FAF1: variants seen among roughly 807,000 people sequenced by gnomAD.
FAF1 encodes FAS-associated factor 1.
A neutral mutation model predicts 92.5 loss-of-function variants in FAF1; 25 were observed. The ratio of observed to expected loss-of-function variants is 0.27; its 90% CI spans 0.20 to 0.38. FAF1 has a LOEUF of 0.38. Among genes scored for constraint, FAF1 ranks in the 10% least tolerant of loss-of-function variants. The pLI is 1.00. For synonymous variants in FAF1, 234 were observed against 273.2 expected, an observed-to-expected ratio of 0.86 and a Z score of 1.42; for missense variants, 636 against 793.3, an observed-to-expected ratio of 0.80 and a Z score of 2.38.
intron 8 of FAF1, among the ~76,000 whole-genome samples, chr1:50,644,150 GT>G (rs1220072435): frequency 6.6e-6 from 1 of 152,172 alleles, no homozygotes; most frequent in Non-Finnish European, 1.5e-5. Context: ...TTTAGAGGCA[GT>G]TACCTATTAA....
chr1:50,550,089 C>A (rs921258177), intron 13 of FAF1, among the ~76,000 whole-genome samples: 2 of 151,992 alleles, frequency 1.3e-5, no homozygotes, highest in Non-Finnish European at 2.9e-5. Flanking sequence ...CCGTAGCTCA[C>A]GCCTGTAATC....
At chr1:50,787,744 T>C (rs1016737417) in intron 4 of FAF1, among the ~76,000 whole-genome samples, 5 of 152,218 alleles carry the variant, frequency 3.3e-5, no homozygotes, top group African/African-American at 1.2e-4. Flanking sequence ...TCTTAGATGT[T>C]TGATTTGCAT....
At chr1:50,866,306 T>C (rs1178154842) in intron 1 of FAF1, among the ~76,000 whole-genome samples, 1 of 152,058 alleles carries the variant, frequency 6.6e-6, no homozygotes, top group Non-Finnish European at 1.5e-5. Context: ...CTTTCACCAC[T>C]TCTATTCAAC....
At chr1:50,845,595 T>C (rs1416737160) in intron 2 of FAF1, among the ~76,000 whole-genome samples, 9 of 152,084 alleles carry the variant, frequency 5.9e-5, no homozygotes, top group Non-Finnish European at 1.5e-5. Flanking sequence ...CTCCCCCACC[T>C]GCACAGAAGA....
At chr1:50,622,284 A>G (rs2124180210) in intron 8 of FAF1, among the ~76,000 whole-genome samples, 1 of 152,232 alleles carries the variant, frequency 6.6e-6, no homozygotes, top group East Asian at 1.9e-4. Flanking sequence ...GCTATCCCTC[A>G]TTTCCTTAAT....
At chr1:50,644,631 G>A (rs1450057190) in intron 8 of FAF1, among the ~76,000 whole-genome samples, 2 of 152,188 alleles carry the variant, frequency 1.3e-5, no homozygotes, top group African/African-American at 4.8e-5. Context: ...TTCCTGCTAT[G>A]GGATCCAGAA....
In FAF1 at chr1:50,959,870, A is replaced by G; in HGVS notation, c.-59T>C. The G allele has an allele frequency of 8.2e-7, 1 of 1,225,956 alleles. No individual in the cohort carries two copies. The highest frequency in any genetic ancestry group is 1.1e-6 in the Non-Finnish European group (1 of 940,514). 75.9% of individuals were successfully genotyped at this position (1,225,956 alleles called of 1,614,324 possible). ...AGCGCGCACCTGGGAGGCAGACGGC[A>G]CCTCCTGCGACCGTCGCCGCCACCG... is the stretch of plus-strand genomic sequence containing the variant. On this transcript the variant is annotated 5_prime_UTR_variant, in exon 1 of 19. Coordinates refer to ENST00000396153, the MANE Select transcript of FAF1 (RefSeq NM_007051.3).
At chr1:50,564,995 T>A (rs114653677) in intron 13 of FAF1, among the ~76,000 whole-genome samples, 2,067 of 152,170 alleles carry the variant, frequency 0.014, 44 homozygotes, top group African/African-American at 0.045. Context: ...TTTGACATTT[T>A]AAAAAAACTT....
intron 8 of FAF1, among the ~76,000 whole-genome samples, chr1:50,621,396 T>C (rs1294302938): frequency 6.5e-5 from 8 of 123,976 alleles, no homozygotes; most frequent in South Asian, 2.8e-4. Flanking sequence ...TTTTTCTTTT[T>C]TTTTTTTTTT....
rs1321149869 is a variant in FAF1 at position 50,584,825 on chromosome 1, G to T, written c.841-14C>A. Reference sequence around the variant, plus strand: ...ATCGGTGATTTGCTATTTAAGGAAAGTCCTGATTAGTTTCATATTGATTTT... The same window carrying T: ...ATCGGTGATTTGCTATTTAAGGAAATTCCTGATTAGTTTCATATTGATTTT... On this transcript the variant is annotated splice_polypyrimidine_tract_variant and intron_variant, in intron 9 of 18. Coordinates refer to ENST00000396153, the MANE Select transcript of FAF1 (RefSeq NM_007051.3). The T allele has an allele frequency of 6.2e-7, 1 of 1,610,624 alleles. No individual in the cohort carries two copies. The highest frequency in any genetic ancestry group is 1.7e-5 in the Admixed American group (1 of 59,710).
intron 8 of FAF1, among the ~76,000 whole-genome samples, chr1:50,635,534 T>C (rs1279812142): frequency 2.0e-5 from 3 of 152,084 alleles, no homozygotes; most frequent in Admixed American, 2.0e-4. Flanking sequence ...CCAGCAATCC[T>C]CCCACCTCAG....
intron 2 of FAF1, among the ~76,000 whole-genome samples, chr1:50,802,009 T>C (rs141930554): frequency 3.0e-4 from 46 of 152,224 alleles, no homozygotes; most frequent in Admixed American, 5.2e-4. Flanking sequence ...AACTTCATCT[T>C]ATAAACATTA....
chr1:50,895,065 A>G (rs1644747929), intron 1 of FAF1, among the ~76,000 whole-genome samples: 1 of 152,172 alleles, frequency 6.6e-6, no homozygotes, highest in Non-Finnish European at 1.5e-5. Context: ...AAACAAATAA[A>G]GCAATATAAA....
chr1:50,954,010 G>A (rs1158557813), intron 1 of FAF1, among the ~76,000 whole-genome samples: 3 of 151,432 alleles, frequency 2.0e-5, no homozygotes, highest in Non-Finnish European at 4.4e-5. Context: ...GTGCAGTGGC[G>A]CGATCTCGGC....
intron 2 of FAF1, among the ~76,000 whole-genome samples, chr1:50,832,982 GA>G (rs1644167919): frequency 6.6e-6 from 1 of 152,160 alleles, no homozygotes; most frequent in South Asian, 2.1e-4. Context: ...AGGATCTGCA[GA>G]GAAGACAATC....
At chr1:50,857,249 T>TA (rs1190463088) in intron 2 of FAF1, among the ~76,000 whole-genome samples, 1 of 151,846 alleles carries the variant, frequency 6.6e-6, no homozygotes, top group Non-Finnish European at 1.5e-5. Context: ...CTCACTTCTA[T>TA]AAGTACACAT....
At chr1:50,806,401 G>A (rs936082444) in intron 2 of FAF1, among the ~76,000 whole-genome samples, 6 of 152,118 alleles carry the variant, frequency 3.9e-5, no homozygotes, top group Admixed American at 1.3e-4. Context: ...CTCATACACT[G>A]TACAAACAAC....
chr1:50,464,718 T>G (rs1646473092), intron 18 of FAF1, among the ~76,000 whole-genome samples: 1 of 152,244 alleles, frequency 6.6e-6, no homozygotes. Context: ...TTACCAAGTA[T>G]TTTCATTATC....
At chr1:50,585,678 T>C (rs1490602365) in intron 9 of FAF1, among the ~76,000 whole-genome samples, 1 of 152,156 alleles carries the variant, frequency 6.6e-6, no homozygotes, top group Non-Finnish European at 1.5e-5. Context: ...AAATAAAGTC[T>C]ATAAATATTA....
Sources: gnomAD v4.1 joint callset for allele counts (sites outside exome capture counted in the v4.1 genomes callset) on GRCh38, gnomAD v4.1.1 for gene constraint, MANE v1.5 for transcripts, NCBI Gene and HGNC (gene_info 2026-07-23, HGNC 2026-07-21) for gene names.